Variants in TDRD7 observed in about 807,000 individuals in gnomAD.
TDRD7 encodes tudor domain containing 7.
A neutral mutation model predicts 109.8 loss-of-function variants in TDRD7; 47 were observed. The ratio of observed to expected loss-of-function variants is 0.43; its 90% CI spans 0.34 to 0.55. The LOEUF (loss-of-function observed/expected upper bound fraction) is 0.55. Among genes scored for constraint, TDRD7 ranks in the 20% least tolerant of loss-of-function variants. The probability of loss-of-function intolerance (pLI) is 0.03; values close to 1 mark genes in which losing one functional copy is unlikely to be tolerated. For synonymous variants in TDRD7, 424 were observed against 457.3 expected (o/e 0.93, Z 0.93); for missense variants, 1,164 against 1,319.2 (o/e 0.88, Z 1.82).
At chr9:97,428,431 T>C (rs1828040436) in intron 1 of TDRD7, 29 bp from the exon 2 acceptor site, 1 of 1,604,248 alleles carries the variant, frequency 6.2e-7, no homozygotes, top group Non-Finnish European at 8.5e-7. Context: ...TGAGCCATAT[T>C]ATAGTAACCT....
intron 1 of TDRD7, among the ~76,000 whole-genome samples, chr9:97,427,609 C>T (rs142145753): frequency 6.6e-6 from 1 of 152,310 alleles, no homozygotes; most frequent in African/African-American, 2.4e-5. Flanking sequence ...TGGCCTCTTC[C>T]TCTCTTGCAA....
At chr9:97,476,672 C>T (rs1431971932) in intron 12 of TDRD7, among the ~76,000 whole-genome samples, 1 of 151,016 alleles carries the variant, frequency 6.6e-6, no homozygotes, top group Non-Finnish European at 1.5e-5. Flanking sequence ...ATGCAAGGAC[C>T]TCAACTTTCA....
At chr9:97,464,180 C>T (rs555254025) in intron 7 of TDRD7, among the ~76,000 whole-genome samples, 6 of 152,210 alleles carry the variant, frequency 3.9e-5, no homozygotes, top group African/African-American at 1.4e-4. Flanking sequence ...CCATTTTCCA[C>T]GTCTCCTCCT....
At chr9:97,455,471 C>T (rs1277444597) in intron 6 of TDRD7, among the ~76,000 whole-genome samples, 3 of 152,160 alleles carry the variant, frequency 2.0e-5, no homozygotes, top group Non-Finnish European at 2.9e-5. Context: ...AAAAACTTAT[C>T]CACCATGATC....
intron 4 of TDRD7, among the ~76,000 whole-genome samples, chr9:97,438,539 A>G (rs1016899269): frequency 2.6e-5 from 4 of 152,214 alleles, no homozygotes; most frequent in African/African-American, 7.2e-5. Context: ...CAAACAATTA[A>G]GACACTTAGA....
chr9:97,414,298 A>G (rs1416723990), intron 1 of TDRD7, among the ~76,000 whole-genome samples: 1 of 152,252 alleles, frequency 6.6e-6, no homozygotes, highest in African/African-American at 2.4e-5. Context: ...AGACATGTAT[A>G]TATGCCAATC....
intron 16 of TDRD7, among the ~76,000 whole-genome samples, chr9:97,490,591 C>G (rs1254106951): frequency 6.8e-6 from 1 of 148,006 alleles, no homozygotes; most frequent in Non-Finnish European, 1.5e-5. Context: ...CTCTGAGCTT[C>G]CTAGATCAAT....
intron 1 of TDRD7, among the ~76,000 whole-genome samples, chr9:97,427,998 C>G (rs958336918): frequency 6.6e-6 from 1 of 152,162 alleles, no homozygotes; most frequent in African/African-American, 2.4e-5. Context: ...CTCCCTGGCC[C>G]TCTGAGCCCT....
At chr9:97,463,652 T>C (rs924007522) in intron 7 of TDRD7, among the ~76,000 whole-genome samples, 1 of 152,180 alleles carries the variant, frequency 6.6e-6, no homozygotes, top group Non-Finnish European at 1.5e-5. Context: ...GGACAGCTTC[T>C]CTTACATGAC....
chr9:97,495,366 A>G (rs977846089), intron 16 of TDRD7, among the ~76,000 whole-genome samples: 2 of 152,190 alleles, frequency 1.3e-5, no homozygotes, highest in Non-Finnish European at 2.9e-5. Context: ...TTAAATATGC[A>G]TATACTTTAT....
chr9:97,419,538 C>T (rs1207143176), intron 1 of TDRD7, among the ~76,000 whole-genome samples: 1 of 152,166 alleles, frequency 6.6e-6, no homozygotes. Flanking sequence ...AGTATAGGTC[C>T]CAAAGCTGTC....
intron 15 of TDRD7, among the ~76,000 whole-genome samples, chr9:97,486,229 T>C (rs989434520): frequency 1.1e-4 from 17 of 152,214 alleles, no homozygotes; most frequent in African/African-American, 4.1e-4. Flanking sequence ...ACCACCTCCA[T>C]AGACACTTTC....
At chr9:97,472,768 C>T (rs900089440) in intron 10 of TDRD7, among the ~76,000 whole-genome samples, 21 of 151,724 alleles carry the variant, frequency 1.4e-4, no homozygotes, top group African/African-American at 4.8e-4. Context: ...GGAAAAATAA[C>T]ACAAAAGAAG....
intron 6 of TDRD7, among the ~76,000 whole-genome samples, chr9:97,455,001 C>T (rs1382241643): frequency 6.6e-6 from 1 of 152,186 alleles, no homozygotes; most frequent in Non-Finnish European, 1.5e-5. Context: ...GATATCACCA[C>T]TGACCCCACA....
At chr9:97,425,049 C>T (rs1827964460) in intron 1 of TDRD7, among the ~76,000 whole-genome samples, 1 of 152,042 alleles carries the variant, frequency 6.6e-6, no homozygotes, top group Non-Finnish European at 1.5e-5. Flanking sequence ...GTGTAAGAAC[C>T]TTCCATTGGT....
At chr9:97,466,115 C>T (rs977348471) in intron 8 of TDRD7, among the ~76,000 whole-genome samples, 2 of 152,178 alleles carry the variant, frequency 1.3e-5, no homozygotes, top group African/African-American at 2.4e-5. Context: ...CACTATCAGC[C>T]GCCAGCCAGT....
At chr9:97,465,801 G>A (rs1828813763) in intron 8 of TDRD7, among the ~76,000 whole-genome samples, 1 of 152,110 alleles carries the variant, frequency 6.6e-6, no homozygotes, top group African/African-American at 2.4e-5. Flanking sequence ...CCTGCTACTT[G>A]ATAGAGAATT....
At chr9:97,441,946 C>A in intron 6 of TDRD7, 71 bp downstream of exon 6, 1 of 1,271,274 alleles carries the variant, frequency 7.9e-7, no homozygotes, top group South Asian at 1.2e-5. Context: ...AGTTATTAGT[C>A]ATATCACCTT....
chr9:97,484,772 A>G (rs1829183673), intron 15 of TDRD7, among the ~76,000 whole-genome samples: 3 of 152,220 alleles, frequency 2.0e-5, no homozygotes, highest in Admixed American at 1.3e-4. Context: ...GTTTGCCTCA[A>G]TCAGAGCTCT....
Sources: allele counts gnomAD v4.1 joint callset (sites outside exome capture counted in the v4.1 genomes callset), GRCh38; gene constraint gnomAD v4.1.1; transcripts MANE v1.5; gene names NCBI Gene and HGNC (gene_info 2026-07-23, HGNC 2026-07-21).